The following PIGF variants were observed in gnomAD, a reference collection of about 807,000 sequenced individuals.
The protein encoded by PIGF is phosphatidylinositol glycan anchor biosynthesis class F, also known as GPI ethanolamine phosphate transferase, stabilizing subunit.
Under a neutral mutation model 26.0 loss-of-function variants are expected in PIGF, and 23 were observed. The ratio of observed to expected loss-of-function variants is 0.88; its 90% CI spans 0.64 to 1.25. The LOEUF (loss-of-function observed/expected upper bound fraction) is 1.25, where lower values mean the gene tolerates loss of function less well. Ranked by LOEUF, PIGF falls within the 50% of genes most tolerant of loss-of-function variation. The probability of loss-of-function intolerance (pLI) is 0.00; values close to 1 mark genes in which losing one functional copy is unlikely to be tolerated. For missense variants in PIGF, 278 were observed against 249.9 expected, an observed-to-expected ratio of 1.11 and a Z score of -0.76; for synonymous variants, 93 against 92.6, an observed-to-expected ratio of 1.00 and a Z score of -0.03.
chr2:46,586,798 A>T lies in PIGF; in HGVS notation c.547-5207T>A, dbSNP rs77577231. Reference sequence around the variant, plus strand: ...TCCAGATATTCCTAAAGTAAATGTTATTGTCTGATACAGGAATACATGCAC... The same window carrying T: ...TCCAGATATTCCTAAAGTAAATGTTTTTGTCTGATACAGGAATACATGCAC... On this transcript the variant is annotated intron_variant, in intron 5 of 5. Transcript: ENST00000281382. Among the ~76,000 whole-genome samples, 42 of 152,330 alleles carry T rather than the reference A, an allele frequency of 2.8e-4. No individual in the cohort carries two copies. The East Asian group carries it at 7.9e-3, about 29-fold the overall frequency.
intron 2 of PIGF, 164 bp downstream of exon 2, chr2:46,614,773 G>T (rs752400198): frequency 2.6e-5 from 14 of 548,648 alleles, no homozygotes; most frequent in Non-Finnish European, 3.6e-5. Context: ...AAACATTGTG[G>T]GCAGCCTTCC....
At chr2:46,582,985 T>C (rs1669451323) in intron 5 of PIGF, 1 of 152,194 alleles carries the variant, frequency 6.6e-6, no homozygotes, top group Non-Finnish European at 1.5e-5. Flanking sequence ...TATGTAACTT[T>C]CTTATTTAAT....
chr2:46,615,874 A>C (rs1670602412), intron 1 of PIGF: 1 of 151,790 alleles, frequency 6.6e-6, no homozygotes, highest in African/African-American at 2.4e-5. Context: ...GGAAGGAGGA[A>C]AAAAAAATTA....
chr2:46,612,394 A>G, intron 3 of PIGF, 50 bp from the exon 4 acceptor site: 1 of 575,928 alleles, frequency 1.7e-6, no homozygotes, highest in Middle Eastern at 2.8e-4. Flanking sequence ...AGGTAAACAT[A>G]CACATACATA....
At chr2:46,594,829 C>T (rs555076519) in intron 4 of PIGF, among the ~76,000 whole-genome samples, 134 of 143,330 alleles carry the variant, frequency 9.3e-4, no homozygotes, top group African/African-American at 3.1e-3. Context: ...CCACTGCGCC[C>T]GGCCCTCACC....
intron 5 of PIGF, chr2:46,587,960 C>G: frequency 2.7e-6 from 2 of 746,428 alleles, no homozygotes; most frequent in Non-Finnish European, 3.9e-6. Flanking sequence ...TGTAGTGGGG[C>G]TCTCATGTGA....
chr2:46,607,379 G>C (rs1670258384), intron 4 of PIGF, among the ~76,000 whole-genome samples: 1 of 152,088 alleles, frequency 6.6e-6, no homozygotes, highest in South Asian at 2.1e-4. Context: ...TTGGGTGCAG[G>C]CATACCTTTT....
chr2:46,598,165 T>C (rs915892231), intron 4 of PIGF, among the ~76,000 whole-genome samples: 7 of 152,208 alleles, frequency 4.6e-5, no homozygotes, highest in Admixed American at 2.0e-4. Flanking sequence ...AAAAGTTTTC[T>C]TGTTCTCTGA....
At chr2:46,585,266 C>G (rs1376109308) in intron 5 of PIGF, among the ~76,000 whole-genome samples, 1 of 151,988 alleles carries the variant, frequency 6.6e-6, no homozygotes, top group East Asian at 1.9e-4. Flanking sequence ...TGACAAGGGC[C>G]CAAGCACTGG....
chr2:46,607,179 A>G (rs554327648), intron 4 of PIGF, among the ~76,000 whole-genome samples: 7 of 152,274 alleles, frequency 4.6e-5, no homozygotes, highest in African/African-American at 1.7e-4. Context: ...CCTCCCAGCT[A>G]CCTCAGTTTA....
At position 46,592,554 on chromosome 2, in the gene PIGF, T is replaced by C; in HGVS notation, c.467A>G (p.Gln156Arg). 6.2e-7 allele frequency: 1 copy of C among 1,602,516 alleles called. No homozygotes were observed. The highest frequency in any genetic ancestry group is 8.6e-7 in the Non-Finnish European group (1 of 1,169,352). Residue 156 changes from glutamine (Q) to arginine (R), a missense_variant, in exon 5 of 6, where the codon CAG (glutamine) becomes CGG (arginine). Gln to Arg is a conservative substitution (Grantham distance 43, BLOSUM62 1). Transcript: ENST00000281382. ...GVTSIWENSL[Q>R]ITTISSFVGA... ...TACAAAGCTAGAAATTGTAGTGATC[T>C]GGAGACTATTCTCCCATATGGATGT... is the stretch of plus-strand genomic sequence containing the variant.
intron 2 of PIGF, 70 bp downstream of exon 2, chr2:46,614,867 A>G: frequency 1.4e-6 from 1 of 716,032 alleles, no homozygotes; most frequent in Non-Finnish European, 2.4e-6. Context: ...GACTTGATGA[A>G]TACTTTATTC....
intron 5 of PIGF, among the ~76,000 whole-genome samples, chr2:46,585,445 A>C (rs1021449709): frequency 6.6e-6 from 1 of 152,230 alleles, no homozygotes; most frequent in Non-Finnish European, 1.5e-5. Flanking sequence ...TAAGTGGTAC[A>C]TCAGATGTTA....
At chr2:46,590,425 TC>T (rs2104073988) in intron 5 of PIGF, among the ~76,000 whole-genome samples, 1 of 152,196 alleles carries the variant, frequency 6.6e-6, no homozygotes, top group African/African-American at 2.4e-5. Flanking sequence ...TATTCATTCC[TC>T]TTAGTTCAGT....
chr2:46,606,951 T>C (rs887527461), intron 4 of PIGF, among the ~76,000 whole-genome samples: 1 of 152,312 alleles, frequency 6.6e-6, no homozygotes, highest in East Asian at 1.9e-4. Flanking sequence ...TGAAGCATGC[T>C]ACAACATAGA....
intron 4 of PIGF, among the ~76,000 whole-genome samples, chr2:46,601,547 T>C (rs1670054597): frequency 6.6e-6 from 1 of 152,130 alleles, no homozygotes; most frequent in Admixed American, 6.6e-5. Context: ...AAAGAGACAC[T>C]GTACAACTCC....
chr2:46,611,821 T>A (rs1443559014), intron 4 of PIGF, among the ~76,000 whole-genome samples: 1 of 152,252 alleles, frequency 6.6e-6, no homozygotes, highest in Non-Finnish European at 1.5e-5. Context: ...CATTTTTAGA[T>A]TGTGGACCCC....
At chr2:46,605,260 T>A (rs1670182257) in intron 4 of PIGF, among the ~76,000 whole-genome samples, 1 of 152,068 alleles carries the variant, frequency 6.6e-6, no homozygotes, top group South Asian at 2.1e-4. Context: ...GGAAGTATAA[T>A]AAAAGTACTA....
intron 3 of PIGF, 67 bp downstream of exon 3, chr2:46,613,627 A>G: frequency 8.4e-7 from 1 of 1,185,818 alleles, no homozygotes; most frequent in Non-Finnish European, 1.2e-6. Context: ...AGTTGCTAAG[A>G]ATTAGCACAC....
Sources: gnomAD v4.1 joint callset for allele counts (sites outside exome capture counted in the v4.1 genomes callset) on GRCh38, gnomAD v4.1.1 for gene constraint, MANE v1.5 for transcripts, NCBI Gene and HGNC (gene_info 2026-07-23, HGNC 2026-07-21) for gene names.